The following RPN1 variants were observed in gnomAD, a reference collection of about 807,000 sequenced individuals.
RPN1 encodes the protein ribophorin I.
A neutral mutation model predicts 55.5 loss-of-function variants in RPN1; 12 were observed. The observed-to-expected ratio is 0.22, with a 90% CI of 0.14 to 0.35. RPN1 has a LOEUF of 0.35. RPN1 is among the 10% of genes least tolerant of loss of function. The pLI is 1.00. For missense variants in RPN1, 679 were observed against 761.3 expected (o/e 0.89, Z 1.27); for synonymous variants, 317 against 305.9 (o/e 1.04, Z -0.38).
chr3:128,638,888 C>G (rs2069703442), intron 2 of RPN1, among the ~76,000 whole-genome samples: 4 of 152,004 alleles, frequency 2.6e-5, no homozygotes, highest in Admixed American at 1.3e-4. Flanking sequence ...ATCACTTGAA[C>G]CCGGGAGGCG....
chr3:128,650,406 C>G (rs1325418926), intron 1 of RPN1, 134 bp downstream of exon 1: 12 of 889,524 alleles, frequency 1.3e-5, no homozygotes, highest in African/African-American at 1.8e-5. Context: ...TCCCACGGAC[C>G]CCCTGTGCCC....
rs779226794 is a variant in RPN1 at position 128,626,726 on chromosome 3, C to A, written c.1136+7G>T. On this transcript the variant is annotated splice_region_variant and intron_variant, in intron 6 of 9. Transcript: ENST00000296255. ...CGGGTGCAAAGGAGAGGAACAGTCA[C>A]ACTCACTTGGCTCCTTCAGGCAGGA... The A allele has an allele frequency of 1.2e-6, 2 of 1,613,394 alleles. No individual in the cohort carries two copies. Among genetic ancestry groups the A allele is most frequent in the Non-Finnish European group, 1.7e-6 (2 of 1,179,378 alleles).
At chr3:128,638,248 G>A in intron 2 of RPN1, 143 bp from the exon 3 acceptor site, 1 of 633,540 alleles carries the variant, frequency 1.6e-6, no homozygotes, top group Non-Finnish European at 2.7e-6. Context: ...TTGAGATGGA[G>A]TCTCACTCTA....
At chr3:128,627,231 G>A (rs2069605902) in intron 5 of RPN1, 1 of 226,284 alleles carries the variant, frequency 4.4e-6, no homozygotes, top group African/African-American at 2.2e-5. Flanking sequence ...AGTGAAACGG[G>A]CCTGCAGAAG....
chr3:128,645,874 A>G (rs2069763097), intron 1 of RPN1, among the ~76,000 whole-genome samples: 1 of 152,082 alleles, frequency 6.6e-6, no homozygotes, highest in Non-Finnish European at 1.5e-5. Context: ...TATACTTCCC[A>G]AAGGCCTCTT....
intron 7 of RPN1, 86 bp downstream of exon 7, chr3:128,625,788 A>C: frequency 6.4e-7 from 1 of 1,558,538 alleles, no homozygotes; most frequent in Non-Finnish European, 8.7e-7. Flanking sequence ...ACTCCAGCCC[A>C]AGGAGGGACA....
intron 9 of RPN1, 69 bp from the exon 10 acceptor site, chr3:128,620,662 C>T: frequency 2.6e-6 from 4 of 1,511,308 alleles, no homozygotes; most frequent in South Asian, 2.4e-5. Flanking sequence ...GCCCCACCAT[C>T]TCCCAGGCCT....
intron 4 of RPN1, among the ~76,000 whole-genome samples, chr3:128,631,274 G>A (rs1361661043): frequency 6.6e-6 from 1 of 151,950 alleles, no homozygotes; most frequent in Non-Finnish European, 1.5e-5. Context: ...AGGAGTTCGA[G>A]ACCAGCCTGT....
At position 128,637,928 on chromosome 3, in the gene RPN1, C is replaced by T. The variant is rs1351163076; in HGVS notation, c.504G>A (p.Thr168=). 1.2e-6 allele frequency: 2 copies of T among 1,614,062 alleles called. No homozygotes were observed. Among genetic ancestry groups the T allele is most frequent in the Non-Finnish European group, 1.7e-6 (2 of 1,180,046 alleles). The change falls in exon 3 of 10, where the codon ACG becomes ACA. Residue 168 remains threonine (T), a synonymous_variant. Transcript: ENST00000296255. ...GCTTCACACGCATGGTTTGTGTCTT[C>T]GTTGGATAGGGAGAGTAGAAATAAT... ...GNHYFYSPYP[T]KTQTMRVKLA...
At chr3:128,633,041 T>C (rs2069652562) in intron 3 of RPN1, among the ~76,000 whole-genome samples, 1 of 152,236 alleles carries the variant, frequency 6.6e-6, no homozygotes, top group Admixed American at 6.5e-5. Context: ...GCTAGTTTAT[T>C]CACTCATTCT....
intron 8 of RPN1, among the ~76,000 whole-genome samples, chr3:128,625,319 T>A (rs1029661020): frequency 6.6e-6 from 1 of 152,108 alleles, no homozygotes; most frequent in Non-Finnish European, 1.5e-5. Flanking sequence ...TTACTCTGTC[T>A]CCAGAGCCAA....
At chr3:128,635,662 T>TATATAGATAG (rs1559755887) in intron 3 of RPN1, among the ~76,000 whole-genome samples, 1 of 110,192 alleles carries the variant, frequency 9.1e-6, no homozygotes, top group African/African-American at 3.2e-5. Context: ...TATATATATA[T>TATATAGATAG]ATAGATATCT....
In RPN1 at chr3:128,622,424, G is replaced by A. The variant is rs2107712769; in HGVS notation, c.1396-15C>T. 5 of 1,613,458 alleles carry A rather than the reference G, an allele frequency of 3.1e-6. No homozygotes were observed. Among genetic ancestry groups the A allele is most frequent in the East Asian group, 4.5e-5 (2 of 44,878 alleles). ...GCGGCTGGATCCTGAAGGAAGGAGA[G>A]GCACCATGTGTGACAACATCCAGGC... On this transcript the variant is annotated splice_polypyrimidine_tract_variant and intron_variant, in intron 8 of 9. Transcript: ENST00000296255.
In RPN1 at chr3:128,633,925, G is replaced by C. The variant is rs1020352925; in HGVS notation, c.634-1768C>G. Among the ~76,000 whole-genome samples, 5 of 152,162 alleles carry C rather than the reference G, an allele frequency of 3.3e-5. No individual in the cohort carries two copies. The East Asian group carries it at 9.6e-4, about 29-fold the overall frequency. On this transcript the variant is annotated intron_variant, in intron 3 of 9. Coordinates refer to ENST00000296255, the MANE Select transcript of RPN1 (RefSeq NM_002950.4). The stretch of plus-strand genomic sequence containing the variant: ...TTGAACCCGGGAGGCGGAGGCTGCA[G>C]TGAGCCGAGATTGTGCCACTGCACT...
intron 2 of RPN1, among the ~76,000 whole-genome samples, chr3:128,640,420 A>G (rs958677783): frequency 2.0e-5 from 3 of 152,166 alleles, no homozygotes; most frequent in Admixed American, 2.0e-4. Context: ...ATTATATTTC[A>G]TATTACAACT....
In RPN1 at chr3:128,625,515, A is replaced by G. The variant is rs375919683; in HGVS notation, c.1395+19T>C. The G allele has an allele frequency of 8.7e-6, 14 of 1,613,954 alleles. No homozygotes were observed. The highest frequency in any genetic ancestry group is 2.7e-5 in the African/African-American group (2 of 74,906). On this transcript the variant is annotated intron_variant, in intron 8 of 9. Coordinates refer to ENST00000296255, the MANE Select transcript of RPN1 (RefSeq NM_002950.4). ...ACCAAGGACACAAATGACAAGCAGG[A>G]AGAAGGCAGAGACGGTACCTTGGTG...
Position 128,650,651 on chromosome 3 carries a change from C to G in RPN1, c.150G>C (p.Thr50=). The G allele has an allele frequency of 6.4e-7, 1 of 1,561,786 alleles. No individual in the cohort carries two copies. The highest frequency in any genetic ancestry group is 1.7e-4 in the Middle Eastern group (1 of 5,998). ...CCAGGTGCGCCAGGACCACCTCGGC[C>G]GTCACCTTAGCCAGGTGGCTGCTTA... ...VDLSSHLAKV[T]AEVVLAHLGG... The change falls in exon 1 of 10, where the codon ACG becomes ACC. Residue 50 remains threonine (T), a synonymous_variant. Coordinates refer to ENST00000296255, the MANE Select transcript of RPN1 (RefSeq NM_002950.4).
At chr3:128,643,852 A>T (rs1030388669) in intron 2 of RPN1, among the ~76,000 whole-genome samples, 12 of 151,864 alleles carry the variant, frequency 7.9e-5, no homozygotes, top group Non-Finnish European at 1.6e-4. Flanking sequence ...AATCCCAGAT[A>T]CTCGGGAGCC....
At chr3:128,637,179 A>G (rs1220083444) in intron 3 of RPN1, among the ~76,000 whole-genome samples, 4 of 152,236 alleles carry the variant, frequency 2.6e-5, no homozygotes, top group African/African-American at 7.2e-5. Context: ...TTGAGGTTAC[A>G]GTGAGCTATG....
Sources: gnomAD v4.1 joint callset for allele counts (sites outside exome capture counted in the v4.1 genomes callset) on GRCh38, gnomAD v4.1.1 for gene constraint, MANE v1.5 for transcripts, NCBI Gene and HGNC (gene_info 2026-07-23, HGNC 2026-07-21) for gene names.